SBK2: variants seen among roughly 807,000 people sequenced by gnomAD.
SBK2 encodes the protein serine/threonine-protein kinase SBK2.
SBK2 carries 18 observed loss-of-function variants against 15.9 expected under a neutral mutation model. The ratio of observed to expected loss-of-function variants is 1.13; its 90% CI spans 0.78 to 1.68. The LOEUF is 1.68. SBK2 is among the 40% of genes most tolerant of loss of function. The pLI, the probability that SBK2 is intolerant of heterozygous loss-of-function variation, is 0.00. For synonymous variants in SBK2, 284 were observed against 246.8 expected (o/e 1.15, Z -1.41); for missense variants, 581 against 510.9 (o/e 1.14, Z -1.32).
chr19:55,534,129 C>T (rs79491622), intron 2 of SBK2, among the ~76,000 whole-genome samples: 1,978 of 152,248 alleles, frequency 0.013, 16 homozygotes, highest in Middle Eastern at 0.02. Flanking sequence ...CCCCAAAACT[C>T]GTATGTGGGA....
chr19:55,529,605 AGAG>A lies in SBK2; in HGVS notation c.*125_*127del, dbSNP rs1173789567. 1.6e-5 allele frequency: 20 copies of A among 1,267,990 alleles called. No individual in the cohort carries two copies. The highest frequency in any genetic ancestry group is 2.8e-5 in the Admixed American group (1 of 35,750). The allele number at this position is 1,267,990 out of a possible 1,614,324, so 78.5% of individuals were successfully genotyped here. On this transcript the variant is annotated 3_prime_UTR_variant, in exon 4 of 4. Coordinates refer to ENST00000413299, the MANE Select transcript of SBK2 (RefSeq NM_001370096.2). Reference sequence around the variant, plus strand: ...GAGGAATGCAGCCTGCAGAGAGGAGAGAGGAGGAGGACGCCGAGGGGAATCCCA... The same window carrying A: ...GAGGAATGCAGCCTGCAGAGAGGAGAGAGGAGGACGCCGAGGGGAATCCCA...
rs751489368 is a variant in SBK2, at chr19:55,536,176, C to T, written c.119G>A (p.Arg40His). 1.6e-5 allele frequency: 25 copies of T among 1,606,946 alleles called. No homozygotes were observed. The highest frequency in any genetic ancestry group is 3.3e-4 in the Middle Eastern group (2 of 6,054). ...CAGCGTCATCATGTCCTCCAGCGCG[C>T]GGGCAGCCTCCTGGCCCTGCTGGAG... ...EELQQGQEAA[R>H]ALEDMMTLSA... The change falls in exon 2 of 4, where the codon CGC becomes CAC. Residue 40 changes from arginine to histidine, a missense_variant. Coordinates refer to ENST00000413299, the MANE Select transcript of SBK2 (RefSeq NM_001370096.2).
Position 55,529,634 on chromosome 19 carries a change from AG to A in SBK2, c.*98del. 1 of 1,456,768 alleles carries A rather than the reference AG, an allele frequency of 6.9e-7. No homozygotes were observed. The highest frequency in any genetic ancestry group is 2.5e-5 in the East Asian group (1 of 40,316). 90.2% of individuals were successfully genotyped at this position (1,456,768 alleles called of 1,614,324 possible). On this transcript the variant is annotated 3_prime_UTR_variant, in exon 4 of 4. Coordinates refer to ENST00000413299, the MANE Select transcript of SBK2 (RefSeq NM_001370096.2). ...GAGGAGGACGCCGAGGGGAATCCCAAGCCCCATGGATGAAAACACACCGAGG... is the reference window on the plus strand; with the variant it reads ...GAGGAGGACGCCGAGGGGAATCCCAACCCCATGGATGAAAACACACCGAGG...
In SBK2 at chr19:55,531,222, C is replaced by A; in HGVS notation, c.377G>T (p.Gly126Val). 1 of 1,613,218 alleles carries A rather than the reference C, an allele frequency of 6.2e-7. No individual in the cohort carries two copies. The highest frequency in any genetic ancestry group is 8.5e-7 in the Non-Finnish European group (1 of 1,179,566). The part of the protein sequence containing the change: ...HSAIVTAYGI[G>V]IESAHSYSFL... The stretch of plus-strand genomic sequence containing the variant: ...GCTGTAGGAGTGTGCCGACTCGATG[C>A]CAATGCCGTAGGCCGTCACGATGGC... The change falls in exon 3 of 4, where the codon GGC (glycine) becomes GTC (valine). Residue 126 changes from glycine (G) to valine (V), a missense_variant. Physicochemically the swap from Gly to Val is moderately radical, Grantham distance 109 (BLOSUM62 -3). Transcript: ENST00000413299.
At chr19:55,533,221 C>T (rs1044013998) in intron 2 of SBK2, among the ~76,000 whole-genome samples, 5 of 151,794 alleles carry the variant, frequency 3.3e-5, no homozygotes, top group Non-Finnish European at 1.5e-5. Flanking sequence ...ATCCCAGCTA[C>T]TCGGAAGGCT....
chr19:55,529,694 G>A lies in SBK2; in HGVS notation c.*39C>T. On this transcript the variant is annotated 3_prime_UTR_variant, in exon 4 of 4. Transcript: ENST00000413299. ...AAAGCCGTTGGCCTTGGGGGCCTCG[G>A]GTGGGGCGGCTTCCCTTTCTGCATC... 2 of 1,586,192 alleles carry A rather than the reference G, an allele frequency of 1.3e-6. No homozygotes were observed. The highest frequency in any genetic ancestry group is 2.2e-5 in the East Asian group (1 of 44,504).
chr19:55,532,019 T>TA (rs1988281669), intron 2 of SBK2, among the ~76,000 whole-genome samples: 1 of 152,050 alleles, frequency 6.6e-6, no homozygotes, highest in South Asian at 2.1e-4. Flanking sequence ...TGTAAAAAAT[T>TA]AAATAAAATA....
intron 1 of SBK2, 109 bp from the exon 2 acceptor site, chr19:55,536,405 C>T (rs956391783): frequency 1.3e-5 from 11 of 829,912 alleles, no homozygotes; most frequent in African/African-American, 3.5e-5. Context: ...GGGCTCATCG[C>T]GCTTCTCATT....
chr19:55,532,568 T>C (rs1425038625), intron 2 of SBK2, among the ~76,000 whole-genome samples: 1 of 150,582 alleles, frequency 6.6e-6, no homozygotes, highest in East Asian at 1.9e-4. Flanking sequence ...TCCTGAAGCA[T>C]TGGGATTACA....
chr19:55,535,898 A>G, intron 2 of SBK2, 144 bp downstream of exon 2: 2 of 821,526 alleles, frequency 2.4e-6, no homozygotes, highest in Non-Finnish European at 3.4e-6. Flanking sequence ...ACCAACCAAA[A>G]GAACAAAAAA....
Position 55,529,900 on chromosome 19 carries a change from A to T in SBK2, c.880T>A (p.Phe294Ile), listed in dbSNP as rs545282786. The T allele has an allele frequency of 6.4e-7, 1 of 1,569,636 alleles. No individual in the cohort carries two copies. Among genetic ancestry groups the T allele is most frequent in the East Asian group, 2.3e-5 (1 of 43,314 alleles). Residue 294 changes from phenylalanine (F) to isoleucine (I), a missense_variant, in exon 4 of 4, where the codon TTC (phenylalanine) becomes ATC (isoleucine). Physicochemically the swap from Phe to Ile is conservative, Grantham distance 21. Coordinates refer to ENST00000413299, the MANE Select transcript of SBK2 (RefSeq NM_001370096.2). ...GCGTCGGCCGCGGCGGCCAGGCCGA[A>T]CCAGGGCTGAGGGCGGTCCCGGGGC... Reference protein sequence around the residue: ...GQPRDRPQPWFGLAAAADALL... With the variant: ...GQPRDRPQPWIGLAAAADALL...
chr19:55,534,918 G>C (rs753657566), intron 2 of SBK2, among the ~76,000 whole-genome samples: 5 of 151,680 alleles, frequency 3.3e-5, no homozygotes, highest in Admixed American at 6.6e-5. Context: ...CCAGCTACTC[G>C]GGGGGCTGAG....
In SBK2 at chr19:55,536,335, G is replaced by A; in HGVS notation, c.-2-39C>T. ...GAGGGGTGCCCAGGCTCAGGTCCCA[G>A]GCCCAAGGGAGGAGGGGACTGGGGG... is the stretch of plus-strand genomic sequence containing the variant. On this transcript the variant is annotated intron_variant, in intron 1 of 3. Coordinates refer to ENST00000413299, the MANE Select transcript of SBK2 (RefSeq NM_001370096.2). 3 of 1,458,636 alleles carry A rather than the reference G, an allele frequency of 2.1e-6. No homozygotes were observed. In the South Asian group the frequency reaches 4.3e-5, roughly 21 times the overall value. The allele number at this position is 1,458,636 out of a possible 1,614,324, so 90.4% of individuals were successfully genotyped here.
chr19:55,535,633 T>TGA, intron 2 of SBK2, among the ~76,000 whole-genome samples: 1 of 152,312 alleles, frequency 6.6e-6, no homozygotes, highest in East Asian at 1.9e-4. Context: ...ATTGGGAGGC[T>TGA]GAGGCAGGCG....
In SBK2 at chr19:55,531,356, A is replaced by T; in HGVS notation, c.254-11T>A. ...GTGCCAGGGGTGTGCCTGGGGCAGC[A>T]GGGACAGGTATGGGAGGCGTGCAGC... On this transcript the variant is annotated splice_polypyrimidine_tract_variant and intron_variant, in intron 2 of 3. Transcript: ENST00000413299. 1 of 1,589,768 alleles carries T rather than the reference A, an allele frequency of 6.3e-7. No homozygotes were observed. The highest frequency in any genetic ancestry group is 2.3e-5 in the East Asian group (1 of 43,534).
In SBK2 at chr19:55,530,003, G is replaced by T; in HGVS notation, c.777C>A (p.Gly259=). 6.6e-7 allele frequency: 1 copy of T among 1,521,834 alleles called. No individual in the cohort carries two copies. The allele number at this position is 1,521,834 out of a possible 1,614,324, so 94.3% of individuals were successfully genotyped here. A position where few individuals can be genotyped will look rare whatever the true frequency, so the allele number is the denominator to read the frequency against. ...LGVLLFCLLT[G]YFPWDRPLAE... is the part of the protein sequence containing the mutation. The stretch of plus-strand genomic sequence containing the variant: ...CCAGGGGCCGGTCCCAGGGGAAGTA[G>T]CCCGTGAGGAGGCAGAAGAGCAGGA... Residue 259 remains glycine, a synonymous_variant, in exon 4 of 4, where the codon GGC becomes GGA. Coordinates refer to ENST00000413299, the MANE Select transcript of SBK2 (RefSeq NM_001370096.2).
intron 2 of SBK2, among the ~76,000 whole-genome samples, chr19:55,535,280 G>A (rs920458043): frequency 1.3e-5 from 2 of 150,648 alleles, no homozygotes; most frequent in African/African-American, 2.4e-5. Context: ...GGAAGGACAC[G>A]GTGCTTGGCA....
chr19:55,536,221 C>T lies in SBK2; in HGVS notation c.74G>A (p.Gly25Asp). 1.9e-6 allele frequency: 3 copies of T among 1,606,416 alleles called. No homozygotes were observed. Among genetic ancestry groups the T allele is most frequent in the East Asian group, 2.3e-5 (1 of 44,174 alleles). The change falls in exon 2 of 4, where the codon GGC becomes GAC. Residue 25 changes from glycine (G) to aspartate (D), a missense_variant. Transcript: ENST00000413299. Reference protein sequence around the residue: ...ASEDSEEEGLGGLTLEELQQG... With the variant: ...ASEDSEEEGLDGLTLEELQQG... ...CTGGAGCTCCTCTAATGTCAGGCCGCCCAGACCCTCCTCCTCGCTGTCCTC... is the reference window on the plus strand; with the variant it reads ...CTGGAGCTCCTCTAATGTCAGGCCGTCCAGACCCTCCTCCTCGCTGTCCTC...
At chr19:55,534,722 A>AG (rs1491102425) in intron 2 of SBK2, among the ~76,000 whole-genome samples, 9 of 144,852 alleles carry the variant, frequency 6.2e-5, no homozygotes, top group African/African-American at 1.0e-4. Context: ...AAAAAAAAAG[A>AG]AAAAAAAAGA....
Sources: allele counts gnomAD v4.1 joint callset (sites outside exome capture counted in the v4.1 genomes callset), GRCh38; gene constraint gnomAD v4.1.1; transcripts MANE v1.5; gene names NCBI Gene and HGNC (gene_info 2026-07-23, HGNC 2026-07-21).